Variants in GOLGA4 observed in about 807,000 individuals in gnomAD.
The protein encoded by GOLGA4 is golgin A4.
Under a neutral mutation model 265.9 loss-of-function variants are expected in GOLGA4, and 169 were observed. The ratio of observed to expected loss-of-function variants is 0.64; its 90% confidence interval spans 0.56 to 0.72. The LOEUF is 0.72. Among genes scored for constraint, GOLGA4 ranks in the 30% least tolerant of loss-of-function variants. The pLI is 0.00. For synonymous variants in GOLGA4, 923 were observed against 855.8 expected, an observed-to-expected ratio of 1.08 and a Z score of -1.37; for missense variants, 2,482 against 2,483.4, an observed-to-expected ratio of 1.00 and a Z score of 0.01.
chr3:37,281,990 C>G lies in GOLGA4; in HGVS notation c.195C>G (p.Leu65=). ...SGDTQSFAQK[L]QLRVPSVESL... ...ACACACAGTCTTTTGCACAGAAGCT[C>G]CAGCTCCGGGTGCCCTCCGTGGAGT... The change falls in exon 3 of 24, where the codon CTC becomes CTG. Residue 65 remains leucine (L), a synonymous_variant. Transcript: ENST00000361924. The G allele has an allele frequency of 6.2e-7, 1 of 1,613,910 alleles. No individual in the cohort carries two copies. The highest frequency in any genetic ancestry group is 8.5e-7 in the Non-Finnish European group (1 of 1,179,866).
intron 5 of GOLGA4, among the ~76,000 whole-genome samples, chr3:37,289,831 C>CTGAT (rs1284935056): frequency 6.6e-6 from 1 of 152,168 alleles, no homozygotes; most frequent in Non-Finnish European, 1.5e-5. Flanking sequence ...TCAGGTCCAT[C>CTGAT]TGATACCTTG....
chr3:37,351,812 G>A (rs1210359174), intron 21 of GOLGA4, among the ~76,000 whole-genome samples: 31 of 152,140 alleles, frequency 2.0e-4, no homozygotes, highest in Non-Finnish European at 3.5e-4. Context: ...TATCATCCAG[G>A]CCTTGTTTCA....
chr3:37,338,931 G>T (rs2097023636), intron 19 of GOLGA4, among the ~76,000 whole-genome samples: 2 of 147,432 alleles, frequency 1.4e-5, no homozygotes, highest in African/African-American at 5.0e-5. Context: ...GCACGATCTA[G>T]GCTCACTGCA....
intron 2 of GOLGA4, among the ~76,000 whole-genome samples, chr3:37,257,664 G>A (rs1349630726): frequency 1.3e-5 from 2 of 151,508 alleles, no homozygotes; most frequent in Non-Finnish European, 2.9e-5. Context: ...TAGGGTCCTA[G>A]GGATGTTATC....
At chr3:37,308,986 C>T (rs191097299) in intron 10 of GOLGA4, among the ~76,000 whole-genome samples, 4 of 151,970 alleles carry the variant, frequency 2.6e-5, no homozygotes, top group Admixed American at 6.6e-5. Context: ...TGTGGTGGCT[C>T]ATGCCTGTAA....
chr3:37,288,738 A>G (rs2096857167), intron 4 of GOLGA4, among the ~76,000 whole-genome samples: 1 of 152,024 alleles, frequency 6.6e-6, no homozygotes, highest in Non-Finnish European at 1.5e-5. Flanking sequence ...TCGGCCTCCC[A>G]AAGTGCTGGG....
In GOLGA4 at chr3:37,309,242, ACT is replaced by A. The variant is rs1385915378; in HGVS notation, c.1235-6175_1235-6174del. 3.7e-5 allele frequency among the ~76,000 whole-genome samples: 5 copies of A among 136,776 alleles called. No homozygotes were observed. In the East Asian group the frequency reaches 8.8e-4, roughly 24 times the overall value. The allele number at this position is 136,776 out of a possible 152,430, so 89.7% of individuals were successfully genotyped here. A position where few individuals can be genotyped will look rare whatever the true frequency, so the allele number is the denominator to read the frequency against. Reference sequence around the variant, plus strand: ...ACTCCAGCCTGGGCGACAGAGCGAGACTCTGTTTCAAAAATAAAAATAACAAT... The same window carrying A: ...ACTCCAGCCTGGGCGACAGAGCGAGACTGTTTCAAAAATAAAAATAACAAT... On this transcript the variant is annotated intron_variant, in intron 10 of 23. Transcript: ENST00000361924.
rs913076847 is a variant in GOLGA4 at position 37,355,277 on chromosome 3, T to G, written c.6663+90T>G. The stretch of plus-strand genomic sequence containing the variant: ...TATAAGGACTTTTGAGTTGGTAAAA[T>G]AAATTTTAAGATTTCAAATCTTTAT... On this transcript the variant is annotated intron_variant, in intron 22 of 23. Transcript: ENST00000361924. The G allele has an allele frequency of 1.5e-4, 106 of 727,206 alleles. 1 individual carries two copies. The highest frequency in any genetic ancestry group is 1.2e-3 in the South Asian group (74 of 62,824). The allele number at this position is 727,206 out of a possible 1,614,324, so 45.0% of individuals were successfully genotyped here.
chr3:37,278,222 A>T (rs1436249229), intron 2 of GOLGA4, among the ~76,000 whole-genome samples: 5 of 146,224 alleles, frequency 3.4e-5, no homozygotes, highest in African/African-American at 8.2e-5. Context: ...TTTTTGAGAC[A>T]GAGTTTTGCT....
intron 5 of GOLGA4, 63 bp downstream of exon 5, chr3:37,289,354 G>A (rs1015701516): frequency 1.1e-5 from 11 of 1,030,138 alleles, no homozygotes; most frequent in Non-Finnish European, 1.6e-5. Flanking sequence ...CAGAACTGTT[G>A]TATGTGCTAG....
At chr3:37,267,027 C>T (rs2096785589) in intron 2 of GOLGA4, 1 of 466,536 alleles carries the variant, frequency 2.1e-6, no homozygotes, top group Non-Finnish European at 3.9e-6. Flanking sequence ...TGTTACTTGC[C>T]ACTTACCATC....
chr3:37,298,250 G>A (rs2096883838), intron 7 of GOLGA4, among the ~76,000 whole-genome samples: 1 of 152,102 alleles, frequency 6.6e-6, no homozygotes, highest in Admixed American at 6.5e-5. Context: ...AAGCATTCAC[G>A]GATCCGAGTT....
rs200337682 is a variant in GOLGA4, at chr3:37,310,718, A to AGT, written c.1235-4685_1235-4684dup. ...AAGATTGACCTAAAAGTATTTTTAA[A>AGT]GTGTGTGTGTGTGTGTGTTTTTTTT... On this transcript the variant is annotated intron_variant, in intron 10 of 23. Transcript: ENST00000361924. 1.4e-3 allele frequency among the ~76,000 whole-genome samples: 206 copies of AGT among 151,468 alleles called. 1 individual carries two copies. The highest frequency in any genetic ancestry group is 0.01 in the Middle Eastern group (3 of 288).
intron 4 of GOLGA4, 149 bp downstream of exon 4, chr3:37,286,210 G>A (rs1385825652): frequency 2.9e-5 from 13 of 451,274 alleles, no homozygotes; most frequent in South Asian, 3.2e-5. Context: ...GCGGACTGCA[G>A]TGGCGCAATC....
At chr3:37,293,169 G>A (rs2096869387) in intron 5 of GOLGA4, among the ~76,000 whole-genome samples, 1 of 152,196 alleles carries the variant, frequency 6.6e-6, no homozygotes, top group Non-Finnish European at 1.5e-5. Context: ...CTGTCTAGAA[G>A]GCTATTGAAG....
At chr3:37,270,985 A>G (rs1578429608) in intron 2 of GOLGA4, among the ~76,000 whole-genome samples, 2 of 151,952 alleles carry the variant, frequency 1.3e-5, no homozygotes, top group African/African-American at 4.8e-5. Context: ...ACAGATCATC[A>G]GGCATTACAT....
chr3:37,334,576 T>G (rs998662579), intron 16 of GOLGA4, among the ~76,000 whole-genome samples: 17 of 152,190 alleles, frequency 1.1e-4, no homozygotes, highest in African/African-American at 4.1e-4. Context: ...GGTAGTGCTC[T>G]GTATAAAAAT....
rs1291987549 is a variant in GOLGA4 at position 37,361,300 on chromosome 3, CAT to C, written c.*29_*30del. ...AAACCATCAGTCTGTGCTTAGTTAA[CAT>C]GTGGTGAGTGAAGAACAATGTCTTG... On this transcript the variant is annotated 3_prime_UTR_variant, in exon 23 of 24. Coordinates refer to ENST00000361924, the MANE Select transcript of GOLGA4 (RefSeq NM_002078.5). 3.1e-6 allele frequency: 5 copies of C among 1,608,060 alleles called. No individual in the cohort carries two copies. The East Asian group carries it at 8.9e-5, about 29-fold the overall frequency.
intron 18 of GOLGA4, among the ~76,000 whole-genome samples, 186 bp downstream of exon 18, chr3:37,337,349 C>T (rs1457601487): frequency 1.3e-5 from 2 of 151,988 alleles, no homozygotes; most frequent in Non-Finnish European, 2.9e-5. Context: ...CAGGTATGTG[C>T]CACCACGCCC....
Sources: gnomAD v4.1 joint callset for allele counts (sites outside exome capture counted in the v4.1 genomes callset) on GRCh38, gnomAD v4.1.1 for gene constraint, MANE v1.5 for transcripts, NCBI Gene and HGNC (gene_info 2026-07-23, HGNC 2026-07-21) for gene names.